ASIP: variants seen among roughly 807,000 people sequenced by gnomAD.
The protein encoded by ASIP is agouti-signaling protein.
A neutral mutation model predicts 10.3 loss-of-function variants in ASIP; 11 were observed. The observed-to-expected ratio is 1.07, with a 90% confidence interval of 0.68 to 1.78. ASIP has a LOEUF of 1.78. Among genes scored for constraint, ASIP ranks in the 40% most tolerant of loss-of-function variants. ASIP has a pLI of 0.00. For missense variants in ASIP, 180 were observed against 169.2 expected (o/e 1.06, Z -0.35); for synonymous variants, 70 against 70.8 (o/e 0.99, Z 0.06).
chr20:34,252,520 C>T (rs2035493879), intron 1 of ASIP, among the ~76,000 whole-genome samples: 1 of 152,190 alleles, frequency 6.6e-6, no homozygotes, highest in South Asian at 2.1e-4. Flanking sequence ...TCCCCTCTAG[C>T]CACAGGGCGG....
At chr20:34,195,530 C>A (rs1207620211) in intron 1 of ASIP, among the ~76,000 whole-genome samples, 1 of 152,164 alleles carries the variant, frequency 6.6e-6, no homozygotes, top group Non-Finnish European at 1.5e-5. Context: ...GCAGGAGGGC[C>A]CCATGCAAAG....
At chr20:34,258,819 A>G (rs1305729656) in intron 1 of ASIP, among the ~76,000 whole-genome samples, 1 of 119,636 alleles carries the variant, frequency 8.4e-6, no homozygotes. Flanking sequence ...TATATATAAT[A>G]CTATATATAG....
intron 1 of ASIP, among the ~76,000 whole-genome samples, chr20:34,202,296 A>G (rs1024157926): frequency 6.6e-6 from 1 of 152,368 alleles, no homozygotes; most frequent in East Asian, 1.9e-4. Flanking sequence ...ACATATGGCT[A>G]TTGAGCAATT....
intron 1 of ASIP, among the ~76,000 whole-genome samples, chr20:34,256,653 C>G (rs2035574603): frequency 6.6e-6 from 1 of 152,102 alleles, no homozygotes; most frequent in Non-Finnish European, 1.5e-5. Flanking sequence ...TGTAGAAATT[C>G]CCATTACAGT....
At chr20:34,234,133 C>T (rs973085469) in intron 1 of ASIP, among the ~76,000 whole-genome samples, 8 of 152,184 alleles carry the variant, frequency 5.3e-5, no homozygotes, top group East Asian at 1.9e-4. Context: ...GTGGCACAAG[C>T]TTGATCAAAA....
At chr20:34,268,484 A>C (rs765482468) in intron 3 of ASIP, among the ~76,000 whole-genome samples, 1 of 152,196 alleles carries the variant, frequency 6.6e-6, no homozygotes, top group Non-Finnish European at 1.5e-5. Flanking sequence ...GCACTTTGGG[A>C]GGCCGAGGCA....
In ASIP at chr20:34,269,166, G is replaced by A. The variant is rs921276312; in HGVS notation, c.398G>A (p.Ter133=). 4 of 1,523,994 alleles carry A rather than the reference G, an allele frequency of 2.6e-6. No homozygotes were observed. Among genetic ancestry groups the A allele is most frequent in the Admixed American group, 4.1e-5 (2 of 49,350 alleles). The allele number at this position is 1,523,994 out of a possible 1,614,324, so 94.4% of individuals were successfully genotyped here. ...TGCCGCGTGCTCAGCCTCAACTGCT[G>A]AGCGCCCCCACTCCCGGCCGCGAGC... The part of the protein sequence containing the change: ...CSCRVLSLNC[*] The change falls in exon 4 of 4, where the codon TGA becomes TAA. Residue 133 remains the stop codon, a stop_retained_variant. Coordinates refer to ENST00000374954, the MANE Select transcript of ASIP (RefSeq NM_001672.3).
intron 1 of ASIP, among the ~76,000 whole-genome samples, chr20:34,220,602 A>AG (rs1435718049): frequency 6.6e-6 from 1 of 151,996 alleles, no homozygotes; most frequent in African/African-American, 2.4e-5. Flanking sequence ...CTCAAAAAAA[A>AG]AAAAAAGAAG....
chr20:34,210,912 G>C (rs2034970344), intron 1 of ASIP, among the ~76,000 whole-genome samples: 1 of 152,108 alleles, frequency 6.6e-6, no homozygotes, highest in African/African-American at 2.4e-5. Context: ...ATTTGGTCAT[G>C]GAGTATTAGT....
chr20:34,199,020 T>C (rs1187544260), intron 1 of ASIP, among the ~76,000 whole-genome samples: 1 of 152,234 alleles, frequency 6.6e-6, no homozygotes, highest in East Asian at 1.9e-4. Context: ...GCTTTATATG[T>C]GTGTGTAGGT....
intron 1 of ASIP, chr20:34,214,374 G>A (rs1477807395): frequency 1.6e-5 from 21 of 1,324,388 alleles, no homozygotes; most frequent in Admixed American, 3.4e-5. Flanking sequence ...CAACGTCACA[G>A]ATGTATGCTG....
intron 1 of ASIP, among the ~76,000 whole-genome samples, chr20:34,259,507 T>C (rs764379934): frequency 2.8e-4 from 43 of 151,646 alleles, no homozygotes; most frequent in Middle Eastern, 3.4e-3. Context: ...AGCAAGACTC[T>C]GTCTCAAAAA....
chr20:34,250,048 G>C (rs1488847022), intron 1 of ASIP: 1 of 152,338 alleles, frequency 6.6e-6, no homozygotes, highest in Non-Finnish European at 1.5e-5. Flanking sequence ...CTGGGGTCCA[G>C]CTGATACTTC....
intron 1 of ASIP, chr20:34,214,375 A>C: frequency 7.5e-7 from 1 of 1,328,864 alleles, no homozygotes; most frequent in Non-Finnish European, 1.1e-6. Flanking sequence ...AACGTCACAG[A>C]TGTATGCTGA....
chr20:34,250,476 TG>T (rs1349349289), intron 1 of ASIP, among the ~76,000 whole-genome samples: 2 of 152,164 alleles, frequency 1.3e-5, no homozygotes, highest in Non-Finnish European at 2.9e-5. Flanking sequence ...CAGGCCAGCC[TG>T]GGCAACACAG....
chr20:34,192,964 T>A (rs1348142360), upstream of ASIP, among the ~76,000 whole-genome samples: 1 of 152,234 alleles, frequency 6.6e-6, no homozygotes, highest in East Asian at 1.9e-4. Context: ...ATACTCCAAC[T>A]CTACGCTTTT....
At chr20:34,223,310 C>T (rs1156335138) in intron 1 of ASIP, among the ~76,000 whole-genome samples, 29 of 149,412 alleles carry the variant, frequency 1.9e-4, no homozygotes, top group African/African-American at 3.0e-4. Flanking sequence ...AGCGCCTCTG[C>T]CCGGCCGAGA....
chr20:34,215,368 ATGG>A, intron 1 of ASIP: 1 of 1,573,228 alleles, frequency 6.4e-7, no homozygotes, highest in East Asian at 2.2e-5. Context: ...CTGTTCCCTC[ATGG>A]TATCTTTTAT....
At chr20:34,215,509 A>C in intron 1 of ASIP, 1 of 1,530,524 alleles carries the variant, frequency 6.5e-7, no homozygotes, top group Non-Finnish European at 9.1e-7. Context: ...TACTGAGAGA[A>C]TGTCAAAAAA....
Sources: gnomAD v4.1 joint callset for allele counts (sites outside exome capture counted in the v4.1 genomes callset) on GRCh38, gnomAD v4.1.1 for gene constraint, MANE v1.5 for transcripts, NCBI Gene and HGNC (gene_info 2026-07-23, HGNC 2026-07-21) for gene names.